Variants in PLCH1 observed in about 807,000 individuals in gnomAD.
PLCH1 encodes phospholipase C eta 1, also known as 1-phosphatidylinositol 4,5-bisphosphate phosphodiesterase eta-1.
A neutral mutation model predicts 126.7 loss-of-function variants in PLCH1; 60 were observed. The ratio of observed to expected loss-of-function variants is 0.47; its 90% CI spans 0.38 to 0.59. The LOEUF (loss-of-function observed/expected upper bound fraction) is 0.59. Ranked by LOEUF, PLCH1 falls within the 20% of genes least tolerant of loss-of-function variation. The probability of loss-of-function intolerance (pLI) is 0.00; values close to 1 mark genes in which losing one functional copy is unlikely to be tolerated. For synonymous variants in PLCH1, 719 were observed against 734.9 expected, an observed-to-expected ratio of 0.98 and a Z score of 0.35; for missense variants, 1,723 against 2,040.0, an observed-to-expected ratio of 0.84 and a Z score of 2.99.
intron 21 of PLCH1, among the ~76,000 whole-genome samples, chr3:155,453,728 AATTAATAATTTCTG>A (rs1161409566): frequency 1.3e-5 from 2 of 148,210 alleles, no homozygotes; most frequent in Non-Finnish European, 3.0e-5. Flanking sequence ...AATAATTAGA[AATTAATAATTTCTG>A]ATTAATAATT....
chr3:155,467,771 A>G (rs946878458), intron 21 of PLCH1, among the ~76,000 whole-genome samples: 3 of 152,236 alleles, frequency 2.0e-5, no homozygotes, highest in African/African-American at 7.2e-5. Context: ...TCAAACATGA[A>G]GGAGAAATAA....
intron 4 of PLCH1, among the ~76,000 whole-genome samples, chr3:155,588,656 C>CTG (rs775427367): frequency 2.0e-5 from 3 of 152,190 alleles, no homozygotes; most frequent in Non-Finnish European, 4.4e-5. Context: ...TAGGATAAGC[C>CTG]TGTGTCTGTC....
At chr3:155,551,418 AT>A (rs1726097867) in intron 9 of PLCH1, among the ~76,000 whole-genome samples, 1 of 127,360 alleles carries the variant, frequency 7.9e-6, no homozygotes. Flanking sequence ...GCACTCCAGC[AT>A]GGGCGACAGA....
In PLCH1 at chr3:155,684,224, C is replaced by T. The variant is rs201622772; in HGVS notation, c.79+19922G>A. Among the ~76,000 whole-genome samples the T allele has an allele frequency of 1.6e-4, 25 of 152,254 alleles. No homozygotes were observed. In the East Asian group the frequency reaches 4.8e-3, roughly 29 times the overall value. ...ACTGAGCCCTGGGACACTACATATA[C>T]AGACTGGTCCCATAAGGAAAGCAAA... is the stretch of plus-strand genomic sequence containing the variant. On this transcript the variant is annotated intron_variant, in intron 2 of 22. Coordinates refer to ENST00000460012, the MANE Select transcript of PLCH1 (RefSeq NM_014996.4).
rs564062449 is a variant in PLCH1, at chr3:155,591,509, G to T, written c.470+2432C>A. On this transcript the variant is annotated intron_variant, in intron 4 of 22. Transcript: ENST00000460012. ...TGCAGAAGCAGATAAGAGAACCCAT[G>T]TGTTCTATTGCCAGACATTAAAGAG... is the stretch of plus-strand genomic sequence containing the variant. Among the ~76,000 whole-genome samples the T allele has an allele frequency of 1.1e-3, 162 of 152,272 alleles. 5 individuals are homozygous for T. In the South Asian group the frequency reaches 0.031, roughly 29 times the overall value.
intron 2 of PLCH1, among the ~76,000 whole-genome samples, chr3:155,596,885 A>C (rs1381071334): frequency 2.0e-5 from 3 of 152,230 alleles, no homozygotes; most frequent in Admixed American, 2.0e-4. Flanking sequence ...TAGCTAAATA[A>C]ATTTCTGTAA....
chr3:155,498,878 C>T (rs1407364897), intron 14 of PLCH1, among the ~76,000 whole-genome samples: 1 of 152,140 alleles, frequency 6.6e-6, no homozygotes, highest in Non-Finnish European at 1.5e-5. Context: ...GTCAAGTCCT[C>T]CACAGACCAT....
intron 2 of PLCH1, among the ~76,000 whole-genome samples, chr3:155,696,168 T>G (rs1745780163): frequency 6.6e-6 from 1 of 152,216 alleles, no homozygotes. Flanking sequence ...ATTAAAAATC[T>G]GAATATTCCT....
At chr3:155,637,865 T>C (rs1407065117) in intron 2 of PLCH1, among the ~76,000 whole-genome samples, 1 of 152,214 alleles carries the variant, frequency 6.6e-6, no homozygotes, top group Non-Finnish European at 1.5e-5. Context: ...CAAAGTGGGC[T>C]CTTGAATTGC....
At chr3:155,727,827 C>G (rs918694081) in intron 1 of PLCH1, among the ~76,000 whole-genome samples, 2 of 152,194 alleles carry the variant, frequency 1.3e-5, no homozygotes, top group Non-Finnish European at 2.9e-5. Flanking sequence ...GGCACCTGCT[C>G]TACACCAGTG....
In PLCH1 at chr3:155,629,525, A is replaced by G. The variant is rs761665874; in HGVS notation, c.80-33147T>C. 1.1e-4 allele frequency among the ~76,000 whole-genome samples: 16 copies of G among 152,182 alleles called. 1 individual carries two copies. The highest frequency in any genetic ancestry group is 1.6e-4 in the Non-Finnish European group (11 of 68,030). On this transcript the variant is annotated intron_variant, in intron 2 of 22. Coordinates refer to ENST00000460012, the MANE Select transcript of PLCH1 (RefSeq NM_014996.4). ...CCTCTCCATCTCAGTAAATGGTTCCAGCATCCCCTAATTATTTAAAATCCA... is the reference window on the plus strand; with the variant it reads ...CCTCTCCATCTCAGTAAATGGTTCCGGCATCCCCTAATTATTTAAAATCCA...
chr3:155,464,015 A>G (rs1712834091), intron 21 of PLCH1, among the ~76,000 whole-genome samples: 1 of 152,224 alleles, frequency 6.6e-6, no homozygotes, highest in Non-Finnish European at 1.5e-5. Context: ...TCATGCCCTT[A>G]GGGAAGTCTA....
chr3:155,721,422 C>T (rs1747934558), intron 1 of PLCH1, among the ~76,000 whole-genome samples: 1 of 152,050 alleles, frequency 6.6e-6, no homozygotes, highest in South Asian at 2.1e-4. Context: ...TTGCAGAGGT[C>T]CTTTACTTCC....
At chr3:155,593,809 T>C in intron 4 of PLCH1, 132 bp downstream of exon 4, 1 of 791,890 alleles carries the variant, frequency 1.3e-6, no homozygotes, top group Non-Finnish European at 2.0e-6. Context: ...GAGAAGACGG[T>C]GTGAGGGGTA....
chr3:155,497,308 CTCCATCCTT>C lies in PLCH1; in HGVS notation c.1894+3_1894+11del. On this transcript the variant is annotated splice_donor_5th_base_variant and intron_variant, in intron 15 of 22. Coordinates refer to ENST00000460012, the MANE Select transcript of PLCH1 (RefSeq NM_014996.4). Reference sequence around the variant, plus strand: ...TTATTCAGAGCAGAATGAGAAAACTCTCCATCCTTACCGTCATCCACAATGTCCTGAGCG... The same window carrying C: ...TTATTCAGAGCAGAATGAGAAAACTCACCGTCATCCACAATGTCCTGAGCG... 6.5e-7 allele frequency: 1 copy of C among 1,548,412 alleles called. No individual in the cohort carries two copies. Among genetic ancestry groups the C allele is most frequent in the Non-Finnish European group, 8.9e-7 (1 of 1,121,050 alleles).
chr3:155,699,370 C>A (rs558895964), intron 2 of PLCH1, among the ~76,000 whole-genome samples: 1 of 152,298 alleles, frequency 6.6e-6, no homozygotes, highest in Non-Finnish European at 1.5e-5. Flanking sequence ...AACCACTGCG[C>A]CCAGCCTGAT....
intron 7 of PLCH1, among the ~76,000 whole-genome samples, chr3:155,566,332 TATATATACACATATATATAC>T (rs1553839556): frequency 0.098 from 6,206 of 63,498 alleles, 1,507 homozygotes; most frequent in African/African-American, 0.14. Context: ...TATATATACG[TATATATACACATATATATAC>T]ATATATATAC....
In PLCH1 at chr3:155,485,871, CAA is replaced by C; in HGVS notation, c.2620-163_2620-162del. The C allele has an allele frequency of 1.3e-5, 8 of 605,094 alleles. No homozygotes were observed. In the South Asian group the frequency reaches 1.6e-4, roughly 12 times the overall value. 37.5% of individuals were successfully genotyped at this position (605,094 alleles called of 1,614,324 possible). A position where few individuals can be genotyped will look rare whatever the true frequency, so the allele number is the denominator to read the frequency against. On this transcript the variant is annotated intron_variant, in intron 21 of 22. Transcript: ENST00000460012. ...AGCAGCAGCTCACAGCATGTTTGCA[CAA>C]CTTCATGCACATCTTATCAACCTTA...
intron 10 of PLCH1, among the ~76,000 whole-genome samples, chr3:155,543,645 C>T (rs535483322): frequency 1.6e-3 from 240 of 152,136 alleles, no homozygotes; most frequent in African/African-American, 5.6e-3. Flanking sequence ...AGAGAAAGGT[C>T]GGGTTACCCA....
Sources: allele counts gnomAD v4.1 joint callset (sites outside exome capture counted in the v4.1 genomes callset), GRCh38; gene constraint gnomAD v4.1.1; transcripts MANE v1.5; gene names NCBI Gene and HGNC (gene_info 2026-07-23, HGNC 2026-07-21).